Variants in ITCH observed in about 807,000 individuals in gnomAD.
ITCH encodes E3 ubiquitin-protein ligase Itchy homolog.
A neutral mutation model predicts 126.8 loss-of-function variants in ITCH; 28 were observed. That is an observed-to-expected ratio of 0.22 (90% confidence interval 0.16 to 0.30). The LOEUF (loss-of-function observed/expected upper bound fraction) is 0.30. Ranked by LOEUF, ITCH falls within the 10% of genes least tolerant of loss-of-function variation. The pLI is 1.00. For synonymous variants in ITCH, 342 were observed against 340.0 expected (o/e 1.01, Z -0.06); for missense variants, 631 against 1,032.4 (o/e 0.61, Z 5.33).
Position 34,440,182 on chromosome 20 carries a change from C to T in ITCH, c.707C>T (p.Thr236Ile), listed in dbSNP as rs765880341. Residue 236 changes from threonine (T) to isoleucine (I), a missense_variant, in exon 9 of 25, where the codon ACT becomes ATT. This residue lies in a region of ITCH where 220 missense variants were observed against 265.7 expected (regional missense o/e 0.83). Transcript: ENST00000374864. ...TCTGTCAATGGTTCACCATCTGCCA[C>T]TTCTGAAAGTGATGGGTCTAGTACA... The part of the protein sequence containing the change: ...PASVNGSPSA[T>I]SESDGSSTGS... 1 of 1,613,618 alleles carries T rather than the reference C, an allele frequency of 6.2e-7. No individual in the cohort carries two copies. Among genetic ancestry groups the T allele is most frequent in the South Asian group, 1.1e-5 (1 of 91,066 alleles).
At chr20:34,377,031 G>A (rs2037872845) in intron 2 of ITCH, among the ~76,000 whole-genome samples, 1 of 152,082 alleles carries the variant, frequency 6.6e-6, no homozygotes, top group African/African-American at 2.4e-5. Flanking sequence ...CCTTGTTGAT[G>A]GATTACATAC....
intron 12 of ITCH, among the ~76,000 whole-genome samples, chr20:34,451,414 C>G (rs1251932561): frequency 6.6e-6 from 1 of 151,716 alleles, no homozygotes; most frequent in Non-Finnish European, 1.5e-5. Context: ...GAGTCGAGAT[C>G]ACACTATTGC....
At chr20:34,378,970 CAG>C (rs2037951214) in intron 2 of ITCH, among the ~76,000 whole-genome samples, 1 of 152,106 alleles carries the variant, frequency 6.6e-6, no homozygotes, top group Non-Finnish European at 1.5e-5. Flanking sequence ...AGCAAACACA[CAG>C]ATTATTTTTT....
chr20:34,368,421 G>GTTT (rs11482479), intron 1 of ITCH, among the ~76,000 whole-genome samples: 3 of 148,664 alleles, frequency 2.0e-5, no homozygotes, highest in African/African-American at 7.4e-5. Context: ...AGTATGTAAG[G>GTTT]TTTTTTTTTT....
intron 3 of ITCH, among the ~76,000 whole-genome samples, chr20:34,407,339 T>C (rs1202373647): frequency 6.6e-6 from 1 of 152,178 alleles, no homozygotes; most frequent in Non-Finnish European, 1.5e-5. Flanking sequence ...TAATCTCGGC[T>C]CACTGCAACC....
chr20:34,364,183 G>C (rs1004998226), intron 1 of ITCH, among the ~76,000 whole-genome samples: 1 of 152,182 alleles, frequency 6.6e-6, no homozygotes, highest in Non-Finnish European at 1.5e-5. Context: ...AAGTTAGTTG[G>C]ACATGTAACC....
At chr20:34,392,478 G>A (rs1481880323) in intron 2 of ITCH, among the ~76,000 whole-genome samples, 6 of 152,058 alleles carry the variant, frequency 3.9e-5, no homozygotes, top group Non-Finnish European at 7.4e-5. Context: ...GATTTTATAG[G>A]GTTCATCTCA....
intron 7 of ITCH, among the ~76,000 whole-genome samples, chr20:34,437,776 C>T (rs922553479): frequency 2.0e-5 from 3 of 152,146 alleles, no homozygotes; most frequent in African/African-American, 4.8e-5. Flanking sequence ...GACTAGAGCC[C>T]CTCTGGAAGG....
chr20:34,463,253 C>T (rs1023182718), intron 14 of ITCH, among the ~76,000 whole-genome samples: 6 of 152,186 alleles, frequency 3.9e-5, no homozygotes, highest in Non-Finnish European at 7.3e-5. Context: ...ATCCCGGCTA[C>T]TCGGGAGTGT....
At chr20:34,454,002 AAAG>A (rs932065245) in intron 12 of ITCH, among the ~76,000 whole-genome samples, 20 of 151,912 alleles carry the variant, frequency 1.3e-4, no homozygotes, top group Admixed American at 2.0e-4. Flanking sequence ...CCGTCTCAAA[AAAG>A]AAGAAGAAGA....
At chr20:34,499,826 T>C (rs1187029944) in intron 23 of ITCH, among the ~76,000 whole-genome samples, 1 of 152,200 alleles carries the variant, frequency 6.6e-6, no homozygotes, top group Non-Finnish European at 1.5e-5. Context: ...CATTTATTGC[T>C]ATAACATTAC....
chr20:34,375,362 G>A (rs1363743298), intron 2 of ITCH, among the ~76,000 whole-genome samples: 1 of 146,976 alleles, frequency 6.8e-6, no homozygotes, highest in Non-Finnish European at 1.5e-5. Flanking sequence ...TTTTTTTAAT[G>A]GAGGTAAAAG....
chr20:34,443,703 G>T (rs1984066736), intron 10 of ITCH, among the ~76,000 whole-genome samples: 1 of 152,066 alleles, frequency 6.6e-6, no homozygotes, highest in Non-Finnish European at 1.5e-5. Flanking sequence ...TTGCTGCCGG[G>T]GCTGGGCACA....
At chr20:34,423,568 C>T (rs572423713) in intron 6 of ITCH, among the ~76,000 whole-genome samples, 23 of 152,232 alleles carry the variant, frequency 1.5e-4, no homozygotes, top group African/African-American at 5.5e-4. Flanking sequence ...TGTTTTGCTT[C>T]TTTAAATGTA....
intron 14 of ITCH, 93 bp downstream of exon 14, chr20:34,462,314 G>A: frequency 1.5e-6 from 2 of 1,344,880 alleles, no homozygotes; most frequent in East Asian, 2.3e-5. Flanking sequence ...GGAAGTCTTA[G>A]TATTTCTTGA....
chr20:34,479,481 G>A, intron 17 of ITCH, 149 bp from the exon 18 acceptor site: 1 of 659,376 alleles, frequency 1.5e-6, no homozygotes, highest in East Asian at 2.7e-5. Context: ...AAACAGATGT[G>A]AGTTTGAACA....
At chr20:34,375,696 ATTTTTTTT>A (rs5841171) in intron 2 of ITCH, among the ~76,000 whole-genome samples, 6 of 65,520 alleles carry the variant, frequency 9.2e-5, no homozygotes, top group South Asian at 4.8e-4. Context: ...GGTAGTTAAA[ATTTTTTTT>A]TTTTTTTTTT....
rs1987473786 is a variant in ITCH, at chr20:34,470,106, C to T, written c.1483C>T (p.Arg495Trp). ...CTTCAAAGCAAAGGTTCAGTATTTC[C>T]GGTTCTGGTGTCAGGTTAGTATTGG... The part of the protein sequence containing the change: ...RDFKAKVQYF[R>W]FWCQQLAMPQ... Residue 495 changes from arginine to tryptophan, a missense_variant, in exon 15 of 25, where the codon CGG (arginine) becomes TGG (tryptophan). By Grantham distance (101) the Arg-to-Trp change is moderately radical. Transcript: ENST00000374864. The T allele has an allele frequency of 3.7e-6, 6 of 1,613,502 alleles. No individual in the cohort carries two copies. Among genetic ancestry groups the T allele is most frequent in the Non-Finnish European group, 5.1e-6 (6 of 1,179,488 alleles).
At position 34,449,672 on chromosome 20, in the gene ITCH, C is replaced by T. The variant is rs557056463; in HGVS notation, c.1210+192C>T. On this transcript the variant is annotated intron_variant, in intron 12 of 24. Transcript: ENST00000374864. Reference sequence around the variant, plus strand: ...TTAAATTCCCCAAACATTAAGTGGACTCTTTATAAACTTTTATTGACGCTC... The same window carrying T: ...TTAAATTCCCCAAACATTAAGTGGATTCTTTATAAACTTTTATTGACGCTC... Among the ~76,000 whole-genome samples, 9 of 152,064 alleles carry T rather than the reference C, an allele frequency of 5.9e-5. No individual in the cohort carries two copies. In the South Asian group the frequency reaches 1.9e-3, roughly 32 times the overall value.
Sources: gnomAD v4.1 joint callset for allele counts (sites outside exome capture counted in the v4.1 genomes callset) on GRCh38, gnomAD v4.1.1 for gene constraint, gnomAD v4.1.1 regional missense constraint, MANE v1.5 for transcripts, NCBI Gene and HGNC (gene_info 2026-07-23, HGNC 2026-07-21) for gene names.